Variants in SPECC1L observed in about 807,000 individuals in gnomAD.
SPECC1L encodes sperm antigen with calponin homology and coiled-coil domains 1 like, also known as cytospin-A.
In SPECC1L, 40 loss-of-function variants were observed where a neutral mutation model predicts 116.8. The observed-to-expected ratio is 0.34, with a 90% CI of 0.27 to 0.45. The LOEUF is 0.45. Among genes scored for constraint, SPECC1L ranks in the 20% least tolerant of loss-of-function variants. The probability of loss-of-function intolerance (pLI) is 1.00; values close to 1 mark genes in which losing one functional copy is unlikely to be tolerated. For synonymous variants in SPECC1L, 504 were observed against 500.6 expected, an observed-to-expected ratio of 1.01 and a Z score of -0.09; for missense variants, 1,110 against 1,373.6, an observed-to-expected ratio of 0.81 and a Z score of 3.03.
At chr22:24,299,189 T>C (rs1015503012) in intron 2 of SPECC1L, among the ~76,000 whole-genome samples, 1 of 152,228 alleles carries the variant, frequency 6.6e-6, no homozygotes, top group Non-Finnish European at 1.5e-5. Context: ...TTATAGTTGC[T>C]GTGTTAAGTA....
chr22:24,283,276 C>T (rs896234757), intron 2 of SPECC1L, among the ~76,000 whole-genome samples: 16 of 152,030 alleles, frequency 1.1e-4, no homozygotes, highest in African/African-American at 3.6e-4. Flanking sequence ...TATGGGGTTT[C>T]ACCGTGTTAG....
chr22:24,277,268 G>T (rs1227365718), intron 2 of SPECC1L, among the ~76,000 whole-genome samples: 1 of 152,060 alleles, frequency 6.6e-6, no homozygotes, highest in African/African-American at 2.4e-5. Context: ...TCCTCTCCCA[G>T]TCTCCGGTAC....
At position 24,352,426 on chromosome 22, in the gene SPECC1L, C is replaced by T. The variant is rs188902098; in HGVS notation, c.2743+5250C>T. On this transcript the variant is annotated intron_variant, in intron 11 of 16. Coordinates refer to ENST00000314328, the MANE Select transcript of SPECC1L (RefSeq NM_015330.6). Reference sequence around the variant, plus strand: ...AGGCATATAGATGTCTTAAGAAGTTCGTTAGTCCAAGTGTAGTTGTGTTCT... The same window carrying T: ...AGGCATATAGATGTCTTAAGAAGTTTGTTAGTCCAAGTGTAGTTGTGTTCT... Among the ~76,000 whole-genome samples, 64 of 152,172 alleles carry T rather than the reference C, an allele frequency of 4.2e-4. 1 individual carries two copies. In the East Asian group the frequency reaches 9.8e-3, roughly 23 times the overall value.
At chr22:24,393,145 T>C (rs2042303281) in intron 14 of SPECC1L, among the ~76,000 whole-genome samples, 1 of 152,240 alleles carries the variant, frequency 6.6e-6, no homozygotes, top group Non-Finnish European at 1.5e-5. Flanking sequence ...ATAGGAGGCT[T>C]CTGAAGAAGA....
rs1465969634 is a variant in SPECC1L, at chr22:24,416,464, G to A, written c.*1841G>A. 2 of 152,322 alleles carry A rather than the reference G, an allele frequency of 1.3e-5. No homozygotes were observed. The highest frequency in any genetic ancestry group is 1.5e-5 in the Non-Finnish European group (1 of 68,084). 9.4% of individuals were successfully genotyped at this position (152,322 alleles called of 1,614,324 possible). ...CTGTTGATGGCCAGCTCTGCTGTTG[G>A]CATGAGCCACTGATGTTCATGTGAG... On this transcript the variant is annotated 3_prime_UTR_variant, in exon 17 of 17. Transcript: ENST00000314328.
intron 6 of SPECC1L, among the ~76,000 whole-genome samples, chr22:24,327,008 A>G (rs2040833855): frequency 6.6e-6 from 1 of 152,152 alleles, no homozygotes; most frequent in South Asian, 2.1e-4. Flanking sequence ...GGCTGGGTGC[A>G]GTGGCTCATG....
intron 2 of SPECC1L, among the ~76,000 whole-genome samples, chr22:24,290,627 T>C (rs1363417698): frequency 6.6e-6 from 1 of 152,182 alleles, no homozygotes; most frequent in African/African-American, 2.4e-5. Context: ...TGCTTCTCTC[T>C]CCCTCCTGTC....
At chr22:24,282,876 C>T (rs2048971128) in intron 2 of SPECC1L, among the ~76,000 whole-genome samples, 2 of 151,342 alleles carry the variant, frequency 1.3e-5, no homozygotes, top group Non-Finnish European at 2.9e-5. Flanking sequence ...CTCCTGGGTG[C>T]AAGCAATTCT....
chr22:24,389,109 ATTTTT>A (rs763818960), intron 14 of SPECC1L, among the ~76,000 whole-genome samples: 4 of 99,954 alleles, frequency 4.0e-5, no homozygotes, highest in Non-Finnish European at 5.9e-5. Flanking sequence ...TCTATAACTG[ATTTTT>A]TTTTTTTTTT....
chr22:24,320,458 G>C (rs2040699067), intron 4 of SPECC1L, among the ~76,000 whole-genome samples: 1 of 152,150 alleles, frequency 6.6e-6, no homozygotes, highest in Non-Finnish European at 1.5e-5. Flanking sequence ...TACATTTAGA[G>C]AGACAGTATA....
Position 24,321,617 on chromosome 22 carries a change from C to T in SPECC1L, c.637C>T (p.Leu213=). 6.2e-7 allele frequency: 1 copy of T among 1,614,198 alleles called. No homozygotes were observed. Among genetic ancestry groups the T allele is most frequent in the East Asian group, 2.2e-5 (1 of 44,882 alleles). Residue 213 remains leucine, a synonymous_variant, in exon 5 of 17, where the codon CTG becomes TTG. Coordinates refer to ENST00000314328, the MANE Select transcript of SPECC1L (RefSeq NM_015330.6). ...TGAACTGCGAGACATGCGTGCCCAG[C>T]TGGGCATTAATGAGGATCATTCTGA... ...RNELRDMRAQ[L]GINEDHSEGD... is the part of the protein sequence containing the mutation.
chr22:24,307,136 G>T (rs540995489), intron 3 of SPECC1L, among the ~76,000 whole-genome samples: 2 of 152,204 alleles, frequency 1.3e-5, no homozygotes, highest in East Asian at 1.9e-4. Context: ...TCTCTTCAAG[G>T]CCCTGCTTTC....
chr22:24,302,362 G>A lies in SPECC1L; in HGVS notation c.131G>A (p.Gly44Glu), dbSNP rs777320040. ...ASTGGKLVKP[G>E]TAASLSKTKS... The stretch of plus-strand genomic sequence containing the variant: ...ACGGGAGGCAAACTTGTAAAACCTG[G>A]AACAGCAGCATCATTGTCAAAGGTA... The change falls in exon 3 of 17, where the codon GGA becomes GAA. Residue 44 changes from glycine to glutamate, a missense_variant. Gly to Glu is a moderately conservative substitution (Grantham distance 98). Coordinates refer to ENST00000314328, the MANE Select transcript of SPECC1L (RefSeq NM_015330.6). 7.4e-6 allele frequency: 12 copies of A among 1,613,986 alleles called. No individual in the cohort carries two copies. Among genetic ancestry groups the A allele is most frequent in the Non-Finnish European group, 9.3e-6 (11 of 1,180,036 alleles).
chr22:24,389,905 G>T (rs1409851045), intron 14 of SPECC1L, among the ~76,000 whole-genome samples: 2 of 152,078 alleles, frequency 1.3e-5, no homozygotes, highest in African/African-American at 4.8e-5. Context: ...ACTACTCATT[G>T]CCACCATTTC....
intron 14 of SPECC1L, among the ~76,000 whole-genome samples, chr22:24,392,940 C>G (rs974990589): frequency 6.6e-6 from 1 of 152,212 alleles, no homozygotes; most frequent in South Asian, 2.1e-4. Flanking sequence ...TATGTAGCCT[C>G]TCCAATATTT....
intron 14 of SPECC1L, among the ~76,000 whole-genome samples, chr22:24,381,504 A>G (rs2042061124): frequency 6.6e-6 from 1 of 152,232 alleles, no homozygotes; most frequent in Non-Finnish European, 1.5e-5. Flanking sequence ...AGTGGAATTA[A>G]AAGAATTAAT....
chr22:24,321,920 G>A lies in SPECC1L; in HGVS notation c.940G>A (p.Val314Met), dbSNP rs1569420298. 1 of 1,614,230 alleles carries A rather than the reference G, an allele frequency of 6.2e-7. No homozygotes were observed. The highest frequency in any genetic ancestry group is 8.5e-7 in the Non-Finnish European group (1 of 1,180,042). ...TGGAGGAGGAACTCTGACTTCTTCA[G>A]TGGAAGGCTCTGCCCCTGGCTCAGT... Reference protein sequence around the residue: ...SDGGGTLTSSVEGSAPGSVED... With the variant: ...SDGGGTLTSSMEGSAPGSVED... The change falls in exon 5 of 17, where the codon GTG becomes ATG. Residue 314 changes from valine to methionine, a missense_variant. Transcript: ENST00000314328.
intron 11 of SPECC1L, among the ~76,000 whole-genome samples, chr22:24,354,076 A>T (rs1278370284): frequency 6.6e-6 from 1 of 152,084 alleles, no homozygotes; most frequent in Non-Finnish European, 1.5e-5. Flanking sequence ...AGAAAGGGGG[A>T]GCATGAGAGA....
intron 13 of SPECC1L, among the ~76,000 whole-genome samples, chr22:24,367,513 A>T (rs1300674633): frequency 6.6e-6 from 1 of 151,790 alleles, no homozygotes; most frequent in Non-Finnish European, 1.5e-5. Context: ...TTCTATTTCC[A>T]TTGTGGCCCA....
Sources: gnomAD v4.1 joint callset for allele counts (sites outside exome capture counted in the v4.1 genomes callset) on GRCh38, gnomAD v4.1.1 for gene constraint, MANE v1.5 for transcripts, NCBI Gene and HGNC (gene_info 2026-07-23, HGNC 2026-07-21) for gene names.